TFDP2: variants seen among roughly 807,000 people sequenced by gnomAD.
TFDP2 encodes transcription factor Dp-2 (E2F dimerization partner 2).
A neutral mutation model predicts 59.3 loss-of-function variants in TFDP2; 17 were observed. The ratio of observed to expected loss-of-function variants is 0.29; its 90% CI spans 0.20 to 0.43. The LOEUF (loss-of-function observed/expected upper bound fraction) is 0.43. Among genes scored for constraint, TFDP2 ranks in the 20% least tolerant of loss-of-function variants. The pLI is 1.00. For synonymous variants in TFDP2, 180 were observed against 194.7 expected (o/e 0.92, Z 0.63); for missense variants, 391 against 528.8 (o/e 0.74, Z 2.56).
intron 1 of TFDP2, among the ~76,000 whole-genome samples, chr3:142,148,520 T>A (rs559091786): frequency 3.5e-4 from 54 of 152,308 alleles, no homozygotes; most frequent in African/African-American, 1.3e-3. Flanking sequence ...AATAGGTGGA[T>A]GCATCTAATT....
intron 6 of TFDP2, among the ~76,000 whole-genome samples, chr3:141,979,130 A>G (rs982047466): frequency 6.6e-6 from 1 of 152,226 alleles, no homozygotes; most frequent in Admixed American, 6.5e-5. Flanking sequence ...ACAGTAGTCC[A>G]ATAAGATTAC....
chr3:141,969,152 G>T (rs1174051214), intron 9 of TFDP2, among the ~76,000 whole-genome samples: 1 of 67,268 alleles, frequency 1.5e-5, no homozygotes, highest in Non-Finnish European at 2.5e-5. Flanking sequence ...ATATATATGA[G>T]ATATATATAT....
chr3:142,023,049 G>A (rs1945746317), intron 3 of TFDP2, among the ~76,000 whole-genome samples: 1 of 148,708 alleles, frequency 6.7e-6, no homozygotes. Context: ...GAACCCGGGA[G>A]GCGGAGGTTG....
intron 3 of TFDP2, among the ~76,000 whole-genome samples, chr3:142,064,402 T>G (rs749520838): frequency 4.6e-5 from 7 of 152,198 alleles, no homozygotes; most frequent in Non-Finnish European, 1.0e-4. Context: ...ACTCTCATGC[T>G]TGATAAAATT....
chr3:142,113,658 A>C (rs73233890), intron 1 of TFDP2, among the ~76,000 whole-genome samples: 12,964 of 152,270 alleles, frequency 0.085, 696 homozygotes, highest in Middle Eastern at 0.14. Context: ...CTGAGTCATT[A>C]AAATGTGATT....
intron 12 of TFDP2, 21 bp downstream of exon 12, chr3:141,952,890 A>C: frequency 5.6e-6 from 9 of 1,610,516 alleles, no homozygotes; most frequent in Non-Finnish European, 7.6e-6. Context: ...TTGCCTTTCT[A>C]ACCCTGAAAA....
At chr3:142,143,242 A>G (rs2063028946) in intron 1 of TFDP2, among the ~76,000 whole-genome samples, 1 of 152,202 alleles carries the variant, frequency 6.6e-6, no homozygotes, top group Non-Finnish European at 1.5e-5. Context: ...TCTAAAAAAA[A>G]AAATCAAATC....
In TFDP2 at chr3:142,019,147, C is replaced by G. The variant is rs948866595; in HGVS notation, c.83-13603G>C. 2.0e-5 allele frequency among the ~76,000 whole-genome samples: 3 copies of G among 151,896 alleles called. No individual in the cohort carries two copies. In the East Asian group the frequency reaches 5.8e-4, roughly 29 times the overall value. The stretch of plus-strand genomic sequence containing the variant: ...TGGCACGATCTCGGCTCACCGCATC[C>G]TCCGCCTCCCAGGTTCAATGGATTC... On this transcript the variant is annotated intron_variant, in intron 3 of 12. Transcript: ENST00000489671.
At chr3:141,977,117 TTTTTTTTTTTTCC>T (rs1489596015) in intron 7 of TFDP2, among the ~76,000 whole-genome samples, 4 of 107,300 alleles carry the variant, frequency 3.7e-5, no homozygotes, top group South Asian at 2.8e-4. Context: ...TTTTTTTTTT[TTTTTTTTTTTTCC>T]CCCCAAAGAG....
Position 142,069,638 on chromosome 3 carries a change from C to T in TFDP2, c.82+23423G>A, listed in dbSNP as rs185497261. On this transcript the variant is annotated intron_variant, in intron 3 of 12. Transcript: ENST00000489671. Reference sequence around the variant, plus strand: ...TTTTTTTTTTTGAGACGGAGTTTCGCTCTTGTTGCCCAGGCTGGAAGTGCA... The same window carrying T: ...TTTTTTTTTTTGAGACGGAGTTTCGTTCTTGTTGCCCAGGCTGGAAGTGCA... 4.5e-4 allele frequency among the ~76,000 whole-genome samples: 67 copies of T among 150,408 alleles called. 1 individual carries two copies. Among genetic ancestry groups the T allele is most frequent in the Middle Eastern group, 6.9e-3 (2 of 290 alleles).
At chr3:142,144,317 T>G (rs2063080224) in intron 1 of TFDP2, among the ~76,000 whole-genome samples, 1 of 150,788 alleles carries the variant, frequency 6.6e-6, no homozygotes, top group Non-Finnish European at 1.5e-5. Context: ...GAGGTTGCAG[T>G]GAGCCGAGAT....
intron 3 of TFDP2, chr3:142,044,091 G>A (rs1483594417): frequency 3.1e-6 from 2 of 644,798 alleles, no homozygotes; most frequent in Non-Finnish European, 5.8e-6. Flanking sequence ...GCTGACGGGA[G>A]TTGGCATTGG....
rs2107814981 is a variant in TFDP2 at position 141,950,183 on chromosome 3, T to C, written c.*2330A>G. The C allele has an allele frequency of 6.6e-6, 1 of 152,270 alleles. No individual in the cohort carries two copies. The highest frequency in any genetic ancestry group is 1.5e-5 in the Non-Finnish European group (1 of 68,024). 9.4% of individuals were successfully genotyped at this position (152,270 alleles called of 1,614,324 possible). ...GTGCTGAGCTTTAGACCCAGATAAA[T>C]GTTGAGGGGGAATACAGAAGAGAAT... On this transcript the variant is annotated 3_prime_UTR_variant, in exon 13 of 13. Transcript: ENST00000489671.
chr3:142,098,601 T>G (rs951953868), intron 2 of TFDP2, among the ~76,000 whole-genome samples: 6 of 152,042 alleles, frequency 3.9e-5, no homozygotes. Context: ...TCCGTAGATT[T>G]TGAAACATAA....
chr3:142,058,199 C>A (rs1279562979), intron 3 of TFDP2, among the ~76,000 whole-genome samples: 1 of 151,956 alleles, frequency 6.6e-6, no homozygotes, highest in African/African-American at 2.4e-5. Context: ...TGATAACTAA[C>A]CCTCGATATT....
chr3:141,987,455 G>C (rs1292271387), intron 6 of TFDP2, among the ~76,000 whole-genome samples: 1 of 151,490 alleles, frequency 6.6e-6, no homozygotes. Flanking sequence ...CTAATGTTTT[G>C]TATTTTTAGT....
At chr3:142,022,562 G>T (rs1945698052) in intron 3 of TFDP2, among the ~76,000 whole-genome samples, 1 of 152,126 alleles carries the variant, frequency 6.6e-6, no homozygotes, top group Non-Finnish European at 1.5e-5. Flanking sequence ...AGCACAGAAA[G>T]CAGCACATTT....
intron 3 of TFDP2, among the ~76,000 whole-genome samples, chr3:142,023,518 T>G (rs1436521990): frequency 3.3e-5 from 5 of 152,028 alleles, no homozygotes; most frequent in African/African-American, 1.2e-4. Context: ...AACGTAAAAC[T>G]TTAGGATACA....
intron 3 of TFDP2, among the ~76,000 whole-genome samples, chr3:142,068,850 C>T (rs895834751): frequency 2.0e-5 from 3 of 152,048 alleles, no homozygotes; most frequent in Non-Finnish European, 2.9e-5. Context: ...TGAGCCACCA[C>T]GCCAGGCCTG....
Sources: allele counts gnomAD v4.1 joint callset (sites outside exome capture counted in the v4.1 genomes callset), GRCh38; gene constraint gnomAD v4.1.1; transcripts MANE v1.5; gene names NCBI Gene and HGNC (gene_info 2026-07-23, HGNC 2026-07-21).